The following PHGDH variants were observed in gnomAD, a reference collection of about 807,000 sequenced individuals.
PHGDH encodes the protein phosphoglycerate dehydrogenase, also known as D-3-phosphoglycerate dehydrogenase.
PHGDH carries 50 observed loss-of-function variants against 52.6 expected under a neutral mutation model. The observed-to-expected ratio is 0.95, with a 90% CI of 0.76 to 1.20. PHGDH has a LOEUF of 1.20. PHGDH is among the 50% of genes most tolerant of loss of function. The pLI is 0.00. For synonymous variants in PHGDH, 271 were observed against 280.5 expected (o/e 0.97, Z 0.34); for missense variants, 630 against 684.6 (o/e 0.92, Z 0.89).
At position 119,744,065 on chromosome 1, in the gene PHGDH, T is replaced by G; in HGVS notation, c.*25T>G. The stretch of plus-strand genomic sequence containing the variant: ...ACCTTGGAGCTCACTGGTCCCTGCC[T>G]CTGGGGCTTTTCTGAAGAAACCCAC... On this transcript the variant is annotated 3_prime_UTR_variant, in exon 12 of 12. Coordinates refer to ENST00000641023, the MANE Select transcript of PHGDH (RefSeq NM_006623.4). 1 of 1,612,192 alleles carries G rather than the reference T, an allele frequency of 6.2e-7. No homozygotes were observed. Among genetic ancestry groups the G allele is most frequent in the South Asian group, 1.1e-5 (1 of 91,042 alleles).
At chr1:119,720,965 C>T (rs587656659) in intron 1 of PHGDH, 1 of 617,250 alleles carries the variant, frequency 1.6e-6, no homozygotes, top group East Asian at 3.0e-5. Context: ...GCACAGTCTC[C>T]TCCACTCTAA....
At chr1:119,712,382 C>T (rs998335138) in intron 1 of PHGDH, 13 of 548,348 alleles carry the variant, frequency 2.4e-5, no homozygotes, top group Non-Finnish European at 4.0e-5. Context: ...GCAACCGCGT[C>T]TTTCACGTTG....
At chr1:119,717,232 C>CAAAAAAA (rs58549149) in intron 1 of PHGDH, among the ~76,000 whole-genome samples, 3,309 of 37,322 alleles carry the variant, frequency 0.089, 922 homozygotes, top group East Asian at 0.2. Flanking sequence ...AACTCTGTCT[C>CAAAAAAA]AAAAAAAAAA....
Position 119,737,175 on chromosome 1 carries a change from G to T in PHGDH, c.854G>T (p.Gly285Val). 6.2e-7 allele frequency: 1 copy of T among 1,614,206 alleles called. No individual in the cohort carries two copies. Among genetic ancestry groups the T allele is most frequent in the Non-Finnish European group, 8.5e-7 (1 of 1,180,012 alleles). ...HENVISCPHL[G>V]ASTKEAQSRC... ...AATGTCATCAGCTGTCCCCACCTGGGTGCCAGCACCAAGGAGGCTCAGAGC... is the reference window on the plus strand; with the variant it reads ...AATGTCATCAGCTGTCCCCACCTGGTTGCCAGCACCAAGGAGGCTCAGAGC... The change falls in exon 8 of 12, where the codon GGT becomes GTT. Residue 285 changes from glycine (G) to valine (V), a missense_variant. Physicochemically the swap from Gly to Val is moderately radical, Grantham distance 109. Coordinates refer to ENST00000641023, the MANE Select transcript of PHGDH (RefSeq NM_006623.4).
intron 1 of PHGDH, among the ~76,000 whole-genome samples, chr1:119,713,827 G>T (rs777579502): frequency 3.9e-5 from 6 of 152,128 alleles, no homozygotes; most frequent in Non-Finnish European, 8.8e-5. Context: ...CTCTCTAAAG[G>T]AAATTAGAAA....
intron 1 of PHGDH, chr1:119,719,568 C>T (rs895630107): frequency 2.0e-5 from 3 of 152,224 alleles, no homozygotes; most frequent in Admixed American, 6.5e-5. Flanking sequence ...CCAGAGGAAT[C>T]GTTCTACTAT....
intron 5 of PHGDH, 170 bp from the exon 6 acceptor site, chr1:119,734,464 T>TA (rs1190715094): frequency 8.4e-6 from 6 of 712,648 alleles, no homozygotes; most frequent in African/African-American, 1.7e-5. Flanking sequence ...AAATAGTACT[T>TA]AGTATGTGGA....
At chr1:119,743,745 TCTCAG>T (rs1652315880) in intron 11 of PHGDH, 136 bp from the exon 12 acceptor site, 1 of 767,712 alleles carries the variant, frequency 1.3e-6, no homozygotes, top group Non-Finnish European at 2.4e-6. Context: ...TGCTCTCCCA[TCTCAG>T]CTCTTTGATT....
chr1:119,712,715 C>A (rs1472925947), intron 1 of PHGDH: 2 of 187,388 alleles, frequency 1.1e-5, no homozygotes, highest in Admixed American at 1.1e-4. Context: ...CTGGCGGAGA[C>A]CCAACCAGTC....
chr1:119,737,645 G>A (rs1328580437), intron 8 of PHGDH, among the ~76,000 whole-genome samples: 1 of 152,088 alleles, frequency 6.6e-6, no homozygotes, highest in Non-Finnish European at 1.5e-5. Context: ...GGTTGGGGAC[G>A]GCCATGTAGA....
chr1:119,744,086 C>T lies in PHGDH; in HGVS notation c.*46C>T. 6.3e-7 allele frequency: 1 copy of T among 1,575,694 alleles called. No homozygotes were observed. The highest frequency in any genetic ancestry group is 1.1e-5 in the South Asian group (1 of 90,314). On this transcript the variant is annotated 3_prime_UTR_variant, in exon 12 of 12. Transcript: ENST00000641023. ...TGCCTCTGGGGCTTTTCTGAAGAAACCCACCCACTGTGATCAATAGGGAGA... is the reference window on the plus strand; with the variant it reads ...TGCCTCTGGGGCTTTTCTGAAGAAATCCACCCACTGTGATCAATAGGGAGA...
At chr1:119,742,197 G>A (rs1652239843) in intron 10 of PHGDH, 3 of 446,158 alleles carry the variant, frequency 6.7e-6, no homozygotes, top group Admixed American at 6.9e-5. Context: ...CGACATGGCT[G>A]CCAGGCCATG....
chr1:119,727,968 T>G (rs924140573), intron 5 of PHGDH, among the ~76,000 whole-genome samples: 1 of 152,184 alleles, frequency 6.6e-6, no homozygotes, highest in African/African-American at 2.4e-5. Context: ...TTTTGGGTGG[T>G]CCTCTGGGTG....
At chr1:119,712,278 T>G in intron 1 of PHGDH, 118 bp downstream of exon 1, 51 of 660,576 alleles carry the variant, frequency 7.7e-5, no homozygotes, top group East Asian at 2.0e-4. Context: ...TTCCGGGGCC[T>G]CCTGAGATTG....
Position 119,712,290 on chromosome 1 carries a change from G to C in PHGDH, c.138+130G>C, listed in dbSNP as rs138275645. The C allele has an allele frequency of 7.8e-3, 6,179 of 792,298 alleles. 42 individuals are homozygous for C. Among genetic ancestry groups the C allele is most frequent in the Middle Eastern group, 0.017 (49 of 2,860 alleles). The allele number at this position is 792,298 out of a possible 1,614,324, so 49.1% of individuals were successfully genotyped here. On this transcript the variant is annotated intron_variant, in intron 1 of 11. Transcript: ENST00000641023. Reference sequence around the variant, plus strand: ...TAGTTCCGGGGCCTCCTGAGATTGGGGGGTAGAGAAGAACGGGGGCGGGAG... The same window carrying C: ...TAGTTCCGGGGCCTCCTGAGATTGGCGGGTAGAGAAGAACGGGGGCGGGAG...
intron 3 of PHGDH, 145 bp from the exon 4 acceptor site, chr1:119,726,706 C>T (rs1041620835): frequency 1.4e-6 from 1 of 721,706 alleles, no homozygotes; most frequent in Non-Finnish European, 2.6e-6. Context: ...TATCCCCCAT[C>T]AGTGTTCCTA....
chr1:119,733,091 G>T (rs1277601918), intron 5 of PHGDH, among the ~76,000 whole-genome samples: 1 of 152,160 alleles, frequency 6.6e-6, no homozygotes, highest in Admixed American at 6.5e-5. Flanking sequence ...CAGCCGAGGG[G>T]AGCAGCAGTG....
intron 3 of PHGDH, 75 bp from the exon 4 acceptor site, chr1:119,726,776 A>C (rs1570998260): frequency 8.1e-7 from 1 of 1,228,502 alleles, no homozygotes; most frequent in East Asian, 2.3e-5. Context: ...TGACTGTGCA[A>C]ACCTGATGTT....
At chr1:119,733,727 G>A (rs1399464996) in intron 5 of PHGDH, among the ~76,000 whole-genome samples, 5 of 152,142 alleles carry the variant, frequency 3.3e-5, no homozygotes, top group Non-Finnish European at 5.9e-5. Flanking sequence ...GCACAGGAAA[G>A]CAAAAAGGAG....
Sources: allele counts gnomAD v4.1 joint callset (sites outside exome capture counted in the v4.1 genomes callset), GRCh38; gene constraint gnomAD v4.1.1; transcripts MANE v1.5; gene names NCBI Gene and HGNC (gene_info 2026-07-23, HGNC 2026-07-21).